EYA1: variants seen among roughly 807,000 people sequenced by gnomAD.
EYA1 encodes the protein EYA transcriptional coactivator and phosphatase 1.
A neutral mutation model predicts 82.0 loss-of-function variants in EYA1; 16 were observed. The observed-to-expected ratio is 0.20, with a 90% CI of 0.13 to 0.30. EYA1 has a LOEUF of 0.30. EYA1 is among the 10% of genes least tolerant of loss of function. The pLI is 1.00. For missense variants in EYA1, 633 were observed against 730.7 expected (o/e 0.87, Z 1.54); for synonymous variants, 261 against 264.4 (o/e 0.99, Z 0.12).
At chr8:71,362,323 T>A (rs1586551616), upstream of EYA1, 1 of 499,534 alleles carries the variant, frequency 2.0e-6, no homozygotes, top group Non-Finnish European at 2.6e-6. Flanking sequence ...CGCCCCACGC[T>A]ATCTGAATAA....
chr8:71,474,807 G>T (rs1054415883), intron 2 of EYA1, among the ~76,000 whole-genome samples: 1 of 152,116 alleles, frequency 6.6e-6, no homozygotes, highest in Non-Finnish European at 1.5e-5. Context: ...TATCCATTTT[G>T]TACAATGGAA....
chr8:71,428,419 G>T (rs1805392137), intron 2 of EYA1, among the ~76,000 whole-genome samples: 1 of 152,156 alleles, frequency 6.6e-6, no homozygotes, highest in African/African-American at 2.4e-5. Flanking sequence ...AGTTTAAAAT[G>T]TATCCAACTT....
intron 12 of EYA1, among the ~76,000 whole-genome samples, chr8:71,219,731 A>G (rs914742055): frequency 1.3e-5 from 2 of 152,242 alleles, no homozygotes; most frequent in Non-Finnish European, 2.9e-5. Flanking sequence ...GCAATATTCC[A>G]CAGCAGAACT....
chr8:71,303,817 C>T (rs1383030944), intron 7 of EYA1, among the ~76,000 whole-genome samples: 1 of 142,740 alleles, frequency 7.0e-6, no homozygotes, highest in East Asian at 2.1e-4. Context: ...CATGCTTCAC[C>T]TATACTCCAC....
intron 11 of EYA1, among the ~76,000 whole-genome samples, chr8:71,248,175 T>C (rs1340282813): frequency 6.6e-6 from 1 of 152,214 alleles, no homozygotes; most frequent in Non-Finnish European, 1.5e-5. Context: ...TTAATGTTAA[T>C]CTCTTTTGTT....
chr8:71,502,265 T>C (rs1184837748), intron 2 of EYA1, among the ~76,000 whole-genome samples: 1 of 152,218 alleles, frequency 6.6e-6, no homozygotes, highest in Admixed American at 6.5e-5. Context: ...ACACTTCCTA[T>C]CTGTATATAT....
At chr8:71,484,792 C>T (rs1299005847) in intron 2 of EYA1, among the ~76,000 whole-genome samples, 1 of 152,238 alleles carries the variant, frequency 6.6e-6, no homozygotes. Context: ...GACCATGCTG[C>T]CGCTCCCCAT....
chr8:71,342,123 C>A (rs1465418222), intron 3 of EYA1, among the ~76,000 whole-genome samples: 2 of 152,100 alleles, frequency 1.3e-5, no homozygotes, highest in Non-Finnish European at 2.9e-5. Flanking sequence ...CTCATCTCTC[C>A]CCCAATCCAA....
intron 11 of EYA1, among the ~76,000 whole-genome samples, chr8:71,257,589 G>C (rs555121507): frequency 1.2e-4 from 18 of 152,282 alleles, no homozygotes; most frequent in Admixed American, 8.5e-4. Flanking sequence ...TGGGTAATCT[G>C]TACCCAGATA....
At chr8:71,368,861 G>A (rs949712533) in intron 2 of EYA1, among the ~76,000 whole-genome samples, 6 of 151,544 alleles carry the variant, frequency 4.0e-5, no homozygotes, top group East Asian at 1.9e-4. Context: ...TGACTTATAC[G>A]TGAAAAGGAA....
intron 2 of EYA1, among the ~76,000 whole-genome samples, chr8:71,486,055 G>A (rs577523896): frequency 2.0e-5 from 3 of 152,122 alleles, no homozygotes; most frequent in Admixed American, 6.5e-5. Context: ...GTGAGTATCG[G>A]GTTGCATGGT....
At chr8:71,233,857 T>C (rs1279023947) in intron 12 of EYA1, among the ~76,000 whole-genome samples, 1 of 152,160 alleles carries the variant, frequency 6.6e-6, no homozygotes, top group African/African-American at 2.4e-5. Flanking sequence ...TTAGAAAAAT[T>C]TGAAAATAAG....
chr8:71,300,655 ACAAAGAGATAG>A (rs1311705689), intron 7 of EYA1, among the ~76,000 whole-genome samples: 1 of 152,170 alleles, frequency 6.6e-6, no homozygotes, highest in African/African-American at 2.4e-5. Flanking sequence ...ATAGATTTAT[ACAAAGAGATAG>A]CAAAGATATT....
chr8:71,483,519 A>T (rs1362840098), intron 2 of EYA1, among the ~76,000 whole-genome samples: 1 of 151,694 alleles, frequency 6.6e-6, no homozygotes, highest in Admixed American at 6.6e-5. Flanking sequence ...ACTAGCTCAC[A>T]TTCTTTCTCC....
At chr8:71,225,433 C>T in intron 12 of EYA1, 2 of 358,370 alleles carry the variant, frequency 5.6e-6, no homozygotes, top group Non-Finnish European at 1.1e-5. Context: ...ATGATGCTTC[C>T]TTGCAGAAAA....
chr8:71,248,006 C>T (rs1383692951), intron 11 of EYA1, among the ~76,000 whole-genome samples: 4 of 152,102 alleles, frequency 2.6e-5, no homozygotes, highest in Admixed American at 1.3e-4. Context: ...ATTTATATGA[C>T]CATTGAAAGA....
rs1445748198 is a variant in EYA1, at chr8:71,451,298, T to C, written c.33+84446A>G. On this transcript the variant is annotated intron_variant, in intron 2 of 18. Transcript: ENST00000643681. ...AAAAACAAATATGGAACAAACAAAA[T>C]ATATAAACAGAAGAATATTTTTTAA... Among the ~76,000 whole-genome samples, 3 of 152,136 alleles carry C rather than the reference T, an allele frequency of 2.0e-5. No individual in the cohort carries two copies. In the East Asian group the frequency reaches 5.8e-4, roughly 29 times the overall value.
At chr8:71,223,396 TTA>T (rs1261260689) in intron 12 of EYA1, among the ~76,000 whole-genome samples, 1 of 152,214 alleles carries the variant, frequency 6.6e-6, no homozygotes, top group Non-Finnish European at 1.5e-5. Context: ...AGCCTTCCCC[TTA>T]TATGACACCA....
chr8:71,292,742 A>T (rs1204534107), intron 9 of EYA1, among the ~76,000 whole-genome samples: 3 of 152,068 alleles, frequency 2.0e-5, no homozygotes, highest in Non-Finnish European at 4.4e-5. Context: ...AATATTGTGA[A>T]GTAAATGAAA....
Sources: gnomAD v4.1 joint callset for allele counts (sites outside exome capture counted in the v4.1 genomes callset) on GRCh38, gnomAD v4.1.1 for gene constraint, MANE v1.5 for transcripts, NCBI Gene and HGNC (gene_info 2026-07-23, HGNC 2026-07-21) for gene names.